PLA2G2A: variants seen among roughly 807,000 people sequenced by gnomAD.
PLA2G2A encodes phospholipase A2 group IIA, also known as phospholipase A2, membrane associated.
PLA2G2A carries 6 observed loss-of-function variants against 11.2 expected under a neutral mutation model. The observed-to-expected ratio is 0.54, with a 90% CI of 0.29 to 1.06. The LOEUF is 1.06. Among genes scored for constraint, PLA2G2A ranks in the 50% least tolerant of loss-of-function variants. The pLI, the probability that PLA2G2A is intolerant of heterozygous loss-of-function variation, is 0.08. For synonymous variants in PLA2G2A, 69 were observed against 65.8 expected, an observed-to-expected ratio of 1.05 and a Z score of -0.23; for missense variants, 133 against 177.1, an observed-to-expected ratio of 0.75 and a Z score of 1.41.
At position 19,975,854 on chromosome 1, in the gene PLA2G2A, A is replaced by G. The variant is rs1247765778; in HGVS notation, c.293-11T>C. 1 of 1,612,850 alleles carries G rather than the reference A, an allele frequency of 6.2e-7. No individual in the cohort carries two copies. The highest frequency in any genetic ancestry group is 8.5e-7 in the Non-Finnish European group (1 of 1,179,174). On this transcript the variant is annotated splice_polypyrimidine_tract_variant and intron_variant, in intron 4 of 4. Coordinates refer to ENST00000482011, the Ensembl canonical transcript of PLA2G2A. The stretch of plus-strand genomic sequence containing the variant: ...AGGAGTCCTGTTTTGCTGAAATCAT[A>G]AGAAAATAAACACAAGATGGGAGTT...
At chr1:19,979,653 G>C (rs11573156), upstream of PLA2G2A, 28,637 of 152,400 alleles carry the variant, frequency 0.19, 3,082 homozygotes, top group Non-Finnish European at 0.24. Flanking sequence ...TTAAATAGCT[G>C]CTCCCTCTGG....
chr1:19,978,911 C>T (rs2046263951), intron 1 of PLA2G2A, 32 bp from the exon 2 acceptor site: 2 of 785,224 alleles, frequency 2.5e-6, no homozygotes, highest in Admixed American at 4.0e-5. Context: ...TCCCATCCAA[C>T]CTAAGTCCAG....
downstream of PLA2G2A, chr1:19,975,640 A>G: frequency 6.7e-7 from 1 of 1,490,948 alleles, no homozygotes; most frequent in Non-Finnish European, 9.4e-7. Context: ...TAGGGTAGGG[A>G]GGGAGGGTAT....
At chr1:19,975,613 T>C (rs2046208559), downstream of PLA2G2A, 2 of 1,261,570 alleles carry the variant, frequency 1.6e-6, no homozygotes, top group Non-Finnish European at 2.3e-6. Flanking sequence ...GCTTTCTGCA[T>C]GGCCAAGGAA....
Position 19,978,512 on chromosome 1 carries a change from GC to G in PLA2G2A, c.52del (p.Ala18ProfsTer6). ...GTGGAAATTCACCAAATTCCCATGG[GC>G]CTGCAGTAGGCCTGGAAGGAAATTT... On this transcript the variant is annotated frameshift_variant, in exon 3 of 5. Transcript: ENST00000482011. LOFTEE classifies it high-confidence loss of function. 1 of 1,613,614 alleles carries G rather than the reference GC, an allele frequency of 6.2e-7. No individual in the cohort carries two copies. The highest frequency in any genetic ancestry group is 8.5e-7 in the Non-Finnish European group (1 of 1,180,028).
rs769168214 is a variant in PLA2G2A at position 19,978,121 on chromosome 1, G to A, written c.186C>T (p.Arg62=). The change falls in exon 4 of 5, where the codon CGC becomes CGT. Residue 62 remains arginine (R), a splice_region_variant and synonymous_variant. Transcript: ENST00000482011. ...AGCAACAGTCATGAGTGACACAGCA[G>A]CTGTGAGGAGACACCCTGTTGGGGC... The A allele has an allele frequency of 2.4e-5, 38 of 1,605,898 alleles. No homozygotes were observed. Among genetic ancestry groups the A allele is most frequent in the Non-Finnish European group, 3.2e-5 (38 of 1,172,460 alleles).
At chr1:19,979,931 G>C (rs974544447), upstream of PLA2G2A, among the ~76,000 whole-genome samples, 3 of 152,190 alleles carry the variant, frequency 2.0e-5, no homozygotes, top group African/African-American at 7.2e-5. Context: ...CCTCTAAGGG[G>C]GGCAGAGACT....
intron 4 of PLA2G2A, among the ~76,000 whole-genome samples, chr1:19,977,698 T>C (rs1363176189): frequency 6.6e-6 from 1 of 152,236 alleles, no homozygotes; most frequent in Non-Finnish European, 1.5e-5. Context: ...TTTAGTGCCT[T>C]TGACCATGCT....
At chr1:19,977,926 TCC>T (rs1240956231) in intron 4 of PLA2G2A, 87 bp downstream of exon 4, 7 of 833,486 alleles carry the variant, frequency 8.4e-6, no homozygotes, top group Non-Finnish European at 1.3e-5. Context: ...AGGAACTGTG[TCC>T]CTCTGTGTCT....
chr1:19,978,390 CATCCTTGGGGG>C lies in PLA2G2A; in HGVS notation c.164_174del (p.Ser55CysfsTer10). 1 of 1,612,916 alleles carries C rather than the reference CATCCTTGGGGG, an allele frequency of 6.2e-7. No homozygotes were observed. Among genetic ancestry groups the C allele is most frequent in the Admixed American group, 1.7e-5 (1 of 60,014 alleles). ...GATAGGTGGCCTCACCGATCCGTTGCATCCTTGGGGGATCCTCTGCCACCCACGCCACAGTG... is the reference window on the plus strand; with the variant it reads ...GATAGGTGGCCTCACCGATCCGTTGCATCCTCTGCCACCCACGCCACAGTG... On this transcript the variant is annotated frameshift_variant, in exon 3 of 5. Transcript: ENST00000482011. LOFTEE classifies it high-confidence loss of function.
intron 4 of PLA2G2A, among the ~76,000 whole-genome samples, chr1:19,976,255 AG>A (rs1369996445): frequency 1.3e-5 from 2 of 152,222 alleles, no homozygotes; most frequent in African/African-American, 4.8e-5. Flanking sequence ...ATGAGCAACA[AG>A]GGGAAGTCTG....
chr1:19,978,619 G>C (rs1172550087), intron 2 of PLA2G2A, 95 bp from the exon 3 acceptor site: 8 of 1,597,834 alleles, frequency 5.0e-6, no homozygotes, highest in African/African-American at 1.3e-5. Context: ...CTCCCAAATG[G>C]CTTCTTTTTT....
At chr1:19,978,839 T>G (rs1188391999) in exon 2 of PLA2G2A, 1 of 1,524,852 alleles carries the variant, frequency 6.6e-7, no homozygotes. Context: ...TGGTCTCAAC[T>G]TCTGCCCCGG....
At position 19,978,803 on chromosome 1, in the gene PLA2G2A, T is replaced by G. The variant is rs1244077571; in HGVS notation, c.-30A>C. On this transcript the variant is annotated 5_prime_UTR_variant, in exon 2 of 5. Transcript: ENST00000482011. ...AGAGTTCTTGGGTGACAAATGCAGA[T>G]GGACTGGCCTAGCTCCTCTGCTGGG... The G allele has an allele frequency of 1.9e-6, 3 of 1,611,272 alleles. No individual in the cohort carries two copies. The South Asian group carries it at 3.3e-5, about 18-fold the overall frequency.
At position 19,978,958 on chromosome 1, in the gene PLA2G2A, G is replaced by A. The variant is rs1571226811; in HGVS notation, c.-106-79C>T. Reference sequence around the variant, plus strand: ...CTGTCACACTCAGAGCACACAAGGAGTGCCCTCCAGCAATGCACACACACA... The same window carrying A: ...CTGTCACACTCAGAGCACACAAGGAATGCCCTCCAGCAATGCACACACACA... On this transcript the variant is annotated intron_variant, in intron 1 of 4. Coordinates refer to ENST00000482011, the Ensembl canonical transcript of PLA2G2A. 8.1e-6 allele frequency: 5 copies of A among 619,066 alleles called. No individual in the cohort carries two copies. In the East Asian group the frequency reaches 9.3e-5, roughly 12 times the overall value. 38.3% of individuals were successfully genotyped at this position (619,066 alleles called of 1,614,324 possible).
At chr1:19,975,570 G>T, downstream of PLA2G2A, 1 of 829,098 alleles carries the variant, frequency 1.2e-6, no homozygotes, top group Non-Finnish European at 2.1e-6. Context: ...GTATAGAAGG[G>T]CTCCTGCCTG....
chr1:19,975,728 G>A (rs764775830), exon 5 of PLA2G2A: 9 of 1,613,708 alleles, frequency 5.6e-6, no homozygotes, highest in Non-Finnish European at 7.6e-6. Flanking sequence ...TCCCTCTGCA[G>A]TGTTTATTGG....
chr1:19,978,999 ACAACC>A (rs1475163230), intron 1 of PLA2G2A, 120 bp from the exon 2 acceptor site: 5 of 601,562 alleles, frequency 8.3e-6, no homozygotes, highest in Middle Eastern at 4.4e-4. Context: ...ACACACACAC[ACAACC>A]ACCTCCTGAC....
chr1:19,978,371 TG>T lies in PLA2G2A; in HGVS notation c.185+8del. 1 of 1,611,196 alleles carries T rather than the reference TG, an allele frequency of 6.2e-7. No individual in the cohort carries two copies. On this transcript the variant is annotated splice_region_variant and intron_variant, in intron 3 of 4. Transcript: ENST00000482011. ...GTCTAGGAGGGTAGGGAGGGATAGGTGGCCTCACCGATCCGTTGCATCCTTG... is the reference window on the plus strand; with the variant it reads ...GTCTAGGAGGGTAGGGAGGGATAGGTGCCTCACCGATCCGTTGCATCCTTG...
Sources: allele counts gnomAD v4.1 joint callset (sites outside exome capture counted in the v4.1 genomes callset), GRCh38; gene constraint gnomAD v4.1.1; transcripts MANE v1.5; gene names NCBI Gene and HGNC (gene_info 2026-07-23, HGNC 2026-07-21).